Variants in DOP1B observed in about 807,000 individuals in gnomAD.
The protein encoded by DOP1B is protein DOP1B.
DOP1B carries 174 observed loss-of-function variants against 233.5 expected under a neutral mutation model. The ratio of observed to expected loss-of-function variants is 0.75; its 90% confidence interval spans 0.66 to 0.85. The LOEUF (loss-of-function observed/expected upper bound fraction) is 0.85. DOP1B is among the 40% of genes least tolerant of loss of function. DOP1B has a pLI of 0.00. For synonymous variants in DOP1B, 1,190 were observed against 1,185.6 expected, an observed-to-expected ratio of 1.00 and a Z score of -0.08; for missense variants, 2,652 against 2,846.6, an observed-to-expected ratio of 0.93 and a Z score of 1.56.
intron 30 of DOP1B, among the ~76,000 whole-genome samples, chr21:36,279,545 G>A (rs540899341): frequency 6.6e-6 from 1 of 152,296 alleles, no homozygotes; most frequent in South Asian, 2.1e-4. Context: ...ACCCCCAGAG[G>A]GCTGCTGGTG....
intron 26 of DOP1B, among the ~76,000 whole-genome samples, chr21:36,267,893 A>G (rs1020754303): frequency 6.6e-6 from 1 of 152,102 alleles, no homozygotes; most frequent in Non-Finnish European, 1.5e-5. Flanking sequence ...GGGAGTAGGT[A>G]CAGAGATCAC....
chr21:36,234,275 A>G (rs919904237), intron 15 of DOP1B, among the ~76,000 whole-genome samples: 15 of 152,208 alleles, frequency 9.9e-5, no homozygotes, highest in Non-Finnish European at 1.6e-4. Context: ...TGATTAAGCA[A>G]GTGTCATCTT....
chr21:36,286,173 AC>A (rs796710151), intron 32 of DOP1B, among the ~76,000 whole-genome samples: 22 of 152,226 alleles, frequency 1.4e-4, no homozygotes, highest in African/African-American at 4.8e-4. Context: ...CATCAGTCTT[AC>A]GTCTTTGGGG....
At chr21:36,255,666 A>G (rs533879755) in intron 23 of DOP1B, among the ~76,000 whole-genome samples, 48 of 150,198 alleles carry the variant, frequency 3.2e-4, no homozygotes, top group African/African-American at 9.8e-4. Flanking sequence ...TCCTAGGCTC[A>G]AGCAATCCTC....
intron 27 of DOP1B, 142 bp downstream of exon 27, chr21:36,270,299 T>G (rs1019587885): frequency 2.2e-6 from 2 of 905,294 alleles, no homozygotes; most frequent in African/African-American, 3.4e-5. Context: ...ACGCCTGTAA[T>G]CCCAGCACTT....
In DOP1B at chr21:36,246,233, T is replaced by C. The variant is rs2066963461; in HGVS notation, c.4253T>C (p.Leu1418Pro). The change falls in exon 19 of 37, where the codon CTC (leucine) becomes CCC (proline). Residue 1418 changes from leucine to proline, a missense_variant. Coordinates refer to ENST00000691173, the MANE Select transcript of DOP1B (RefSeq NM_001320714.2). This position sits in a 1 kb window ranked among gnomAD's most constrained non-coding sequence, Gnocchi z 5.1. Reference protein sequence around the residue: ...HHGRALPEDSLFEESLINLGQ... With the variant: ...HHGRALPEDSPFEESLINLGQ... ...GGCAGGGCCCTGCCAGAGGACAGCC[T>C]CTTTGAGGAGAGTCTCATTAACTTG... 6.2e-7 allele frequency: 1 copy of C among 1,613,864 alleles called. No homozygotes were observed. The highest frequency in any genetic ancestry group is 1.3e-5 in the African/African-American group (1 of 75,040).
intron 26 of DOP1B, 97 bp from the exon 27 acceptor site, chr21:36,269,916 G>A: frequency 7.9e-7 from 1 of 1,271,704 alleles, no homozygotes; most frequent in Non-Finnish European, 1.1e-6. Context: ...TCACAGCTGT[G>A]GCCTGCATTT....
chr21:36,207,510 T>C (rs1167472260), intron 4 of DOP1B, among the ~76,000 whole-genome samples: 47 of 150,488 alleles, frequency 3.1e-4, no homozygotes, highest in Admixed American at 3.1e-3. Flanking sequence ...TTTTTTTTTT[T>C]TTTTTTTTTG....
chr21:36,196,229 G>T (rs1163199342), intron 2 of DOP1B, among the ~76,000 whole-genome samples: 1 of 152,218 alleles, frequency 6.6e-6, no homozygotes, highest in Non-Finnish European at 1.5e-5. Flanking sequence ...AAAAATAATG[G>T]TACAGGTCAA....
chr21:36,227,278 T>C (rs1273814180), intron 12 of DOP1B, among the ~76,000 whole-genome samples: 3 of 151,736 alleles, frequency 2.0e-5, no homozygotes, highest in Non-Finnish European at 4.4e-5. Context: ...TCAGGCACGG[T>C]GGCTCACGCC....
intron 11 of DOP1B, 71 bp downstream of exon 11, chr21:36,223,421 A>T: frequency 1.3e-6 from 2 of 1,555,584 alleles, no homozygotes; most frequent in Non-Finnish European, 1.7e-6. Context: ...GTAGCTGCTT[A>T]GAATATCAGA....
At position 36,253,849 on chromosome 21, in the gene DOP1B, G is replaced by A. The variant is rs149893531; in HGVS notation, c.5199G>A (p.Thr1733=). Residue 1733 remains threonine (T), a synonymous_variant, in exon 23 of 37, where the codon ACG becomes ACA. Transcript: ENST00000691173. ...CACTCAGCACCCTGCAGACTGACAC[G>A]CTGCTGCACCTGGTGAAGGAGGTGG... ...VCALSTLQTD[T]LLHLVKEVVK... is the part of the protein sequence containing the mutation. The A allele has an allele frequency of 8.7e-6, 14 of 1,613,988 alleles. No individual in the cohort carries two copies. Among genetic ancestry groups the A allele is most frequent in the East Asian group, 6.7e-5 (3 of 44,882 alleles).
intron 23 of DOP1B, among the ~76,000 whole-genome samples, chr21:36,257,789 T>A (rs1250789966): frequency 3.2e-5 from 3 of 93,462 alleles, no homozygotes; most frequent in African/African-American, 1.5e-4. Flanking sequence ...GGTAGGTAGG[T>A]AGGTAGATGT....
chr21:36,257,945 A>T (rs1002121101), intron 23 of DOP1B, among the ~76,000 whole-genome samples: 1 of 108,616 alleles, frequency 9.2e-6, no homozygotes, highest in African/African-American at 3.3e-5. Context: ...ATAGGGAGAT[A>T]GATGTAGGTA....
At chr21:36,164,222 G>C (rs1474566294) in intron 1 of DOP1B, among the ~76,000 whole-genome samples, 1 of 152,222 alleles carries the variant, frequency 6.6e-6, no homozygotes, top group Non-Finnish European at 1.5e-5. Context: ...GGGAGGCTGA[G>C]GTGGAAGGAA....
intron 23 of DOP1B, among the ~76,000 whole-genome samples, chr21:36,258,442 G>A (rs559058307): frequency 4.3e-4 from 65 of 151,260 alleles, no homozygotes; most frequent in African/African-American, 1.4e-3. Flanking sequence ...ATCAGACAAT[G>A]TGCCGACCAT....
chr21:36,158,218 A>G (rs2065837878), intron 1 of DOP1B, among the ~76,000 whole-genome samples: 1 of 152,168 alleles, frequency 6.6e-6, no homozygotes, highest in South Asian at 2.1e-4. Context: ...TTCTGTGTCT[A>G]GTTATTTATA....
chr21:36,220,918 C>A (rs1002355234), intron 10 of DOP1B, among the ~76,000 whole-genome samples: 2 of 152,074 alleles, frequency 1.3e-5, no homozygotes, highest in Admixed American at 1.3e-4. Flanking sequence ...TCAAGTGATC[C>A]TCACACCTCA....
intron 2 of DOP1B, among the ~76,000 whole-genome samples, chr21:36,168,374 G>A (rs983735380): frequency 2.0e-5 from 3 of 152,066 alleles, no homozygotes; most frequent in Non-Finnish European, 1.5e-5. Context: ...TCTTTGGGGT[G>A]CATACTTAGG....
Sources: allele counts gnomAD v4.1 joint callset (sites outside exome capture counted in the v4.1 genomes callset), GRCh38; gene constraint gnomAD v4.1.1; non-coding constraint Gnocchi (gnomAD v3.1); transcripts MANE v1.5; gene names NCBI Gene and HGNC (gene_info 2026-07-23, HGNC 2026-07-21).